THOC5: variants seen among roughly 807,000 people sequenced by gnomAD.
The protein encoded by THOC5 is Fms-interacting protein.
Under a neutral mutation model 92.9 loss-of-function variants are expected in THOC5, and 43 were observed. The observed-to-expected ratio is 0.46, with a 90% CI of 0.36 to 0.60. THOC5 has a LOEUF of 0.60. THOC5 is among the 20% of genes least tolerant of loss of function. The pLI, the probability that THOC5 is intolerant of heterozygous loss-of-function variation, is 0.00. For synonymous variants in THOC5, 296 were observed against 320.1 expected (o/e 0.92, Z 0.80); for missense variants, 659 against 849.4 (o/e 0.78, Z 2.79).
intron 17 of THOC5, among the ~76,000 whole-genome samples, chr22:29,513,503 CAT>C (rs2063269055): frequency 6.6e-6 from 1 of 152,044 alleles, no homozygotes. Flanking sequence ...GCCCAGCCAA[CAT>C]AGTGAAATCT....
chr22:29,549,276 C>G, intron 1 of THOC5, 118 bp from the exon 2 acceptor site: 2 of 795,006 alleles, frequency 2.5e-6, no homozygotes, highest in Non-Finnish European at 4.2e-6. Context: ...CCCCTCAAAG[C>G]CTCAATTTAA....
At chr22:29,538,051 C>T (rs1454836592) in intron 6 of THOC5, among the ~76,000 whole-genome samples, 3 of 152,068 alleles carry the variant, frequency 2.0e-5, no homozygotes, top group South Asian at 2.1e-4. Context: ...GGCGCAATCT[C>T]GGCTCACTGC....
At chr22:29,528,022 G>A in intron 11 of THOC5, 56 bp downstream of exon 11, 8 of 1,563,150 alleles carry the variant, frequency 5.1e-6, no homozygotes, top group Non-Finnish European at 7.0e-6. Flanking sequence ...TGCACCTGCA[G>A]CTGGGTGAAC....
intron 3 of THOC5, among the ~76,000 whole-genome samples, chr22:29,544,090 A>C (rs1489035433): frequency 1.3e-5 from 2 of 152,186 alleles, no homozygotes; most frequent in Non-Finnish European, 2.9e-5. Flanking sequence ...TTCATTTACT[A>C]TTAATGATAA....
intron 11 of THOC5, 39 bp from the exon 12 acceptor site, chr22:29,525,985 C>T (rs2063535083): frequency 1.3e-6 from 2 of 1,498,270 alleles, no homozygotes; most frequent in Non-Finnish European, 1.9e-6. Flanking sequence ...TGAGTCAAAA[C>T]ACTCAGAGCA....
chr22:29,548,528 G>A (rs576094582), intron 2 of THOC5, among the ~76,000 whole-genome samples: 4 of 152,234 alleles, frequency 2.6e-5, no homozygotes, highest in East Asian at 3.9e-4. Flanking sequence ...GTACTCCGAC[G>A]TGAGCGACAC....
In THOC5 at chr22:29,536,715, C is replaced by A; in HGVS notation, c.623G>T (p.Cys208Phe). ...GAGAATCTTCTCCTTGTTAGATAGG[C>A]ACTCTCGGTACTTCTCTGCCAGCCT... ...RKRLAEKYRE[C>F]LSNKEKILKE... The change falls in exon 7 of 20, where the codon TGC becomes TTC. Residue 208 changes from cysteine to phenylalanine, a missense_variant. Cys to Phe is a radical substitution (Grantham distance 205). Transcript: ENST00000490103. 1 of 1,611,704 alleles carries A rather than the reference C, an allele frequency of 6.2e-7. No homozygotes were observed. Among genetic ancestry groups the A allele is most frequent in the Non-Finnish European group, 8.5e-7 (1 of 1,177,768 alleles).
At chr22:29,547,707 G>A (rs1275249576) in intron 2 of THOC5, among the ~76,000 whole-genome samples, 3 of 152,136 alleles carry the variant, frequency 2.0e-5, no homozygotes, top group Non-Finnish European at 4.4e-5. Flanking sequence ...GTCTCTAGGA[G>A]GTTCCAAACT....
intron 15 of THOC5, among the ~76,000 whole-genome samples, chr22:29,518,279 T>C (rs1219769682): frequency 6.6e-6 from 1 of 152,146 alleles, no homozygotes; most frequent in East Asian, 1.9e-4. Flanking sequence ...GTGATCTGTC[T>C]GCCTTGGCCT....
chr22:29,531,574 G>T, intron 8 of THOC5: 1 of 1,198,032 alleles, frequency 8.3e-7, no homozygotes. Context: ...CCTGGGTTCT[G>T]CACCCAAGAG....
At position 29,507,462 on chromosome 22, in the gene THOC5, A is replaced by G. The variant is rs906335722; in HGVS notation, c.*995T>C. The G allele has an allele frequency of 3.9e-5, 6 of 152,334 alleles. No individual in the cohort carries two copies. Among genetic ancestry groups the G allele is most frequent in the Admixed American group, 3.9e-4 (6 of 15,294 alleles). 9.4% of individuals were successfully genotyped at this position (152,334 alleles called of 1,614,324 possible). A position where few individuals can be genotyped will look rare whatever the true frequency, so the allele number is the denominator to read the frequency against. ...CTGCAACCTCTGCCTCATGGGTTCA[A>G]GTAATTCTGCCTCAGCCTCCTGAGT... On this transcript the variant is annotated 3_prime_UTR_variant, in exon 20 of 20. Coordinates refer to ENST00000490103, the MANE Select transcript of THOC5 (RefSeq NM_003678.5).
chr22:29,512,402 C>T (rs2063242420), intron 17 of THOC5, among the ~76,000 whole-genome samples: 1 of 152,218 alleles, frequency 6.6e-6, no homozygotes. Flanking sequence ...TCTGGTCCAC[C>T]TTGGCTCTCT....
At chr22:29,518,899 G>C in intron 15 of THOC5, 107 bp downstream of exon 15, 2 of 790,270 alleles carry the variant, frequency 2.5e-6, no homozygotes, top group Non-Finnish European at 4.2e-6. Context: ...CAGGAATCCA[G>C]GTCTTGTATT....
rs2063595391 is a variant in THOC5, at chr22:29,528,791, G to A, written c.926-325C>T. ...ATAATAATAATAGTAGTAGAAGCAT[G>A]CATAACTTGAGGGGGTACTATGTGC... On this transcript the variant is annotated intron_variant, in intron 9 of 19. Coordinates refer to ENST00000490103, the MANE Select transcript of THOC5 (RefSeq NM_003678.5). The A allele has an allele frequency of 4.4e-5, 22 of 500,316 alleles. No homozygotes were observed. In the South Asian group the frequency reaches 5.6e-4, roughly 13 times the overall value. The allele number at this position is 500,316 out of a possible 1,614,324, so 31.0% of individuals were successfully genotyped here.
At position 29,536,628 on chromosome 22, in the gene THOC5, A is replaced by G; in HGVS notation, c.710T>C (p.Met237Thr). The G allele has an allele frequency of 1.2e-6, 2 of 1,602,792 alleles. No individual in the cohort carries two copies. The highest frequency in any genetic ancestry group is 1.7e-6 in the Non-Finnish European group (2 of 1,169,618). The change falls in exon 7 of 20, where the codon ATG (methionine) becomes ACG (threonine). Residue 237 changes from methionine to threonine, a missense_variant. Transcript: ENST00000490103. ...SSLQPRLNSIMQASLPVQEYL... is the reference protein window; with the variant it reads ...SSLQPRLNSITQASLPVQEYL... ...CAAAAGGCCAGAGGGCCCCACCTGC[A>G]TGATGCTGTTGAGGCGGGGCTGGAG...
chr22:29,508,353 GGT>G lies in THOC5; in HGVS notation c.*102_*103del, dbSNP rs1239644955. On this transcript the variant is annotated 3_prime_UTR_variant, in exon 20 of 20. Coordinates refer to ENST00000490103, the MANE Select transcript of THOC5 (RefSeq NM_003678.5). ...GTCAGGTGACGCTTTTTAATTGGCT[GGT>G]GTCTTTGGAGAATATCAAGAGTCAC... 9 of 1,222,460 alleles carry G rather than the reference GGT, an allele frequency of 7.4e-6. No individual in the cohort carries two copies. In the African/African-American group the frequency reaches 1.2e-4, roughly 17 times the overall value. 75.7% of individuals were successfully genotyped at this position (1,222,460 alleles called of 1,614,324 possible). A position where few individuals can be genotyped will look rare whatever the true frequency, so the allele number is the denominator to read the frequency against.
At chr22:29,516,986 A>T (rs752182413) in intron 17 of THOC5, 43 bp downstream of exon 17, 1 of 1,599,616 alleles carries the variant, frequency 6.3e-7, no homozygotes, top group Non-Finnish European at 8.6e-7. Context: ...GATTCTTGGC[A>T]GCGCCCTTTG....
At chr22:29,545,580 C>T (rs1027708082) in intron 2 of THOC5, among the ~76,000 whole-genome samples, 2 of 152,138 alleles carry the variant, frequency 1.3e-5, no homozygotes, top group African/African-American at 4.8e-5. Context: ...AAAACAAAGG[C>T]GTTACAGGGC....
chr22:29,536,277 A>G, intron 7 of THOC5: 1 of 217,748 alleles, frequency 4.6e-6, no homozygotes, highest in Non-Finnish European at 9.0e-6. Flanking sequence ...TGGTCGGGGG[A>G]TCAAACAGAC....
Sources: gnomAD v4.1 joint callset for allele counts (sites outside exome capture counted in the v4.1 genomes callset) on GRCh38, gnomAD v4.1.1 for gene constraint, MANE v1.5 for transcripts, NCBI Gene and HGNC (gene_info 2026-07-23, HGNC 2026-07-21) for gene names.